Variants in GSE1 observed in about 807,000 individuals in gnomAD.
GSE1 encodes Gse1 coiled-coil protein, also known as genetic suppressor element 1.
In GSE1, 32 loss-of-function variants were observed where a neutral mutation model predicts 112.6. That is an observed-to-expected ratio of 0.28 (90% CI 0.21 to 0.38). The LOEUF (loss-of-function observed/expected upper bound fraction) is 0.38. Ranked by LOEUF, GSE1 falls within the 10% of genes least tolerant of loss-of-function variation. The pLI, the probability that GSE1 is intolerant of heterozygous loss-of-function variation, is 1.00. For missense variants in GSE1, 2,348 were observed against 1,699.2 expected, an observed-to-expected ratio of 1.38 and a Z score of -6.71; for synonymous variants, 1,115 against 735.6, an observed-to-expected ratio of 1.52 and a Z score of -8.35.
At chr16:85,623,424 G>T (rs1177406021) in intron 1 of GSE1, among the ~76,000 whole-genome samples, 1 of 152,102 alleles carries the variant, frequency 6.6e-6, no homozygotes, top group Non-Finnish European at 1.5e-5. Flanking sequence ...TACTGACAGG[G>T]AAACTGAGGC....
intron 3 of GSE1, among the ~76,000 whole-genome samples, chr16:85,650,824 G>A (rs1200417826): frequency 2.6e-5 from 4 of 151,734 alleles, no homozygotes; most frequent in African/African-American, 9.7e-5. Context: ...GTGGCCATGA[G>A]TCTCCGAGGC....
intron 1 of GSE1, among the ~76,000 whole-genome samples, chr16:85,573,349 T>C (rs751300574): frequency 6.6e-6 from 1 of 152,218 alleles, no homozygotes; most frequent in Non-Finnish European, 1.5e-5. Flanking sequence ...GACCACGTTC[T>C]GTTTCTCCAT....
At chr16:85,408,455 A>C (rs369064060) in intron 2 of GSE1, among the ~76,000 whole-genome samples, 421 of 20,290 alleles carry the variant, frequency 0.021, 83 homozygotes, top group African/African-American at 0.071. Context: ...ACACTCAGGG[A>C]CCCCTGGATA....
At chr16:85,594,722 A>G (rs2047147906) in intron 1 of GSE1, 1 of 152,226 alleles carries the variant, frequency 6.6e-6, no homozygotes, top group South Asian at 2.1e-4. Context: ...TTCTGGGCCT[A>G]TTAGGAGGAT....
At chr16:85,569,063 C>G (rs1164407226) in intron 1 of GSE1, among the ~76,000 whole-genome samples, 1 of 152,204 alleles carries the variant, frequency 6.6e-6, no homozygotes, top group African/African-American at 2.4e-5. Context: ...GAGCCTCCTC[C>G]CAAATTCAAG....
chr16:85,385,595 G>A (rs975104958), intron 2 of GSE1, among the ~76,000 whole-genome samples: 2 of 152,200 alleles, frequency 1.3e-5, no homozygotes, highest in Non-Finnish European at 2.9e-5. Flanking sequence ...TCTGCACCCA[G>A]CAAGTCCCGT....
intron 1 of GSE1, among the ~76,000 whole-genome samples, chr16:85,216,768 A>G (rs2075312487): frequency 6.6e-6 from 1 of 151,782 alleles, no homozygotes; most frequent in Non-Finnish European, 1.5e-5. Flanking sequence ...CCTCTGGGGG[A>G]CTCCCTGGCC....
chr16:85,590,232 G>A lies in GSE1; in HGVS notation c.37+33869G>A, dbSNP rs535974670. On this transcript the variant is annotated intron_variant, in intron 1 of 2. Coordinates refer to the GSE1 transcript ENST00000635906. Reference sequence around the variant, plus strand: ...TGTGAACATGTGTGACCTTGTGTGCGTGTGTGAACGTGTGGGCCCGCGTGT... The same window carrying A: ...TGTGAACATGTGTGACCTTGTGTGCATGTGTGAACGTGTGGGCCCGCGTGT... 2.2e-4 allele frequency among the ~76,000 whole-genome samples: 34 copies of A among 151,710 alleles called. No homozygotes were observed. The East Asian group carries it at 4.7e-3, about 21-fold the overall frequency.
intron 2 of GSE1, among the ~76,000 whole-genome samples, chr16:85,644,893 T>C (rs2050727813): frequency 1.3e-5 from 2 of 152,048 alleles, no homozygotes; most frequent in African/African-American, 2.4e-5. Context: ...TCCCTAGTTT[T>C]TATTTTTTTT....
chr16:85,609,719 A>G (rs1480553401), upstream of GSE1, among the ~76,000 whole-genome samples: 4 of 151,930 alleles, frequency 2.6e-5, no homozygotes, highest in Non-Finnish European at 5.9e-5. Flanking sequence ...TAGTGGCACA[A>G]TCTCAGCTCA....
At chr16:85,230,011 G>C (rs1185869916) in intron 1 of GSE1, among the ~76,000 whole-genome samples, 2 of 152,192 alleles carry the variant, frequency 1.3e-5, no homozygotes, top group Non-Finnish European at 2.9e-5. Flanking sequence ...AAGGGCTCTG[G>C]GAACGTTATC....
chr16:85,555,553 C>T, upstream of GSE1: 1 of 973,022 alleles, frequency 1.0e-6, no homozygotes. Context: ...ATTTTCTCCT[C>T]TCCCCTCTCC....
At chr16:85,621,136 G>T (rs2048712907) in intron 1 of GSE1, among the ~76,000 whole-genome samples, 1 of 151,790 alleles carries the variant, frequency 6.6e-6, no homozygotes, top group South Asian at 2.1e-4. Context: ...TCTCTGCCCT[G>T]TTGGGGAACC....
At chr16:85,394,423 T>C (rs2047920324) in intron 2 of GSE1, among the ~76,000 whole-genome samples, 1 of 152,158 alleles carries the variant, frequency 6.6e-6, no homozygotes, top group African/African-American at 2.4e-5. Context: ...GCTTCTGTGA[T>C]GTTCACAGGA....
rs116130697 is a variant in GSE1, at chr16:85,366,042, C to T, written c.2464+8399C>T. Among the ~76,000 whole-genome samples, 1,159 of 152,386 alleles carry T rather than the reference C, an allele frequency of 7.6e-3. 18 individuals carry two copies. Among genetic ancestry groups the T allele is most frequent in the African/African-American group, 0.026 (1,100 of 41,596 alleles). On this transcript the variant is annotated intron_variant, in intron 2 of 2. Transcript: ENST00000637419. ...CAGAGAGCTGGTGACCACCAGAAAC[C>T]CTGGCCCTGGGACGGCTTTTGTCTC... is the stretch of plus-strand genomic sequence containing the variant.
intron 2 of GSE1, among the ~76,000 whole-genome samples, chr16:85,426,833 C>A (rs2049005948): frequency 6.6e-6 from 1 of 152,154 alleles, no homozygotes; most frequent in African/African-American, 2.4e-5. Flanking sequence ...GGCTTCAGCC[C>A]ACTTCTGGTG....
chr16:85,348,581 T>C (rs919820858), intron 1 of GSE1, among the ~76,000 whole-genome samples: 1 of 152,090 alleles, frequency 6.6e-6, no homozygotes, highest in East Asian at 1.9e-4. Context: ...AACCCAGACA[T>C]CCGGGGCAAG....
chr16:85,255,976 C>A (rs534995089), intron 1 of GSE1, among the ~76,000 whole-genome samples: 2 of 152,362 alleles, frequency 1.3e-5, no homozygotes, highest in African/African-American at 4.8e-5. Context: ...GCGTGAGCCA[C>A]CACACCCGGC....
At chr16:85,555,598 C>G (rs1404844559), upstream of GSE1, 1 of 953,800 alleles carries the variant, frequency 1.0e-6, no homozygotes, top group Middle Eastern at 5.4e-4. Context: ...GCCACCCCGC[C>G]CCTCCTCACC....
Sources: allele counts gnomAD v4.1 joint callset (sites outside exome capture counted in the v4.1 genomes callset), GRCh38; gene constraint gnomAD v4.1.1; transcripts MANE v1.5; gene names NCBI Gene and HGNC (gene_info 2026-07-23, HGNC 2026-07-21).